Variants in FALEC observed in about 807,000 individuals in gnomAD.
FALEC encodes focally amplified lncRNA on chromosome 1.
chr1:150,533,434 T>TC, the FALEC span, among the ~76,000 whole-genome samples: 10 of 143,504 alleles, frequency 7.0e-5, no homozygotes, highest in Non-Finnish European at 1.2e-4. Context: ...CCAGAGCTTT[T>TC]TTTTTTTTTT....
the FALEC span, among the ~76,000 whole-genome samples, chr1:150,531,903 G>A: frequency 4.6e-5 from 7 of 152,148 alleles, no homozygotes; most frequent in Non-Finnish European, 5.9e-5. Flanking sequence ...TCGAAGCTCC[G>A]TCAAAATGCA....
At chr1:150,524,289 A>T in the FALEC span, among the ~76,000 whole-genome samples, 1 of 152,152 alleles carries the variant, frequency 6.6e-6, no homozygotes, top group Non-Finnish European at 1.5e-5. Context: ...CACTCGGATT[A>T]CAGGTGTGGT....
the FALEC span, among the ~76,000 whole-genome samples, chr1:150,526,673 G>A: frequency 1.3e-5 from 2 of 151,234 alleles, no homozygotes; most frequent in Non-Finnish European, 2.9e-5. Flanking sequence ...TCACTCTGTC[G>A]CCCAGGTTGG....
the FALEC span, among the ~76,000 whole-genome samples, chr1:150,527,105 A>G: frequency 4.1e-5 from 6 of 147,888 alleles, no homozygotes; most frequent in African/African-American, 1.3e-4. Context: ...ACACCCAGCT[A>G]ATTTTTTTTA....
the FALEC span, among the ~76,000 whole-genome samples, chr1:150,530,254 G>T: frequency 6.6e-6 from 1 of 152,298 alleles, no homozygotes; most frequent in East Asian, 1.9e-4. Flanking sequence ...ACATGCAAAT[G>T]CTGAGGCCAT....
At chr1:150,520,563 A>C (rs1166278636), downstream of FALEC, among the ~76,000 whole-genome samples, 3 of 152,040 alleles carry the variant, frequency 2.0e-5, no homozygotes, top group African/African-American at 7.2e-5. Context: ...TATATGCCAC[A>C]TTTTGCTTAT....
chr1:150,524,343 A>G, the FALEC span, among the ~76,000 whole-genome samples: 2 of 150,272 alleles, frequency 1.3e-5, no homozygotes, highest in Non-Finnish European at 3.0e-5. Context: ...TAAATATTAT[A>G]TACACCAGAG....
At chr1:150,533,936 C>T in the FALEC span, among the ~76,000 whole-genome samples, 77 of 152,320 alleles carry the variant, frequency 5.1e-4, no homozygotes, top group Middle Eastern at 3.4e-3. Context: ...GGAGACGTGT[C>T]GTGGATCCTG....
At chr1:150,521,601 T>C (rs890621171), downstream of FALEC, among the ~76,000 whole-genome samples, 2 of 152,104 alleles carry the variant, frequency 1.3e-5, no homozygotes, top group African/African-American at 4.8e-5. Flanking sequence ...CCACCTGGAG[T>C]TGATTTTGAC....
chr1:150,531,228 C>T, the FALEC span, among the ~76,000 whole-genome samples: 8 of 152,240 alleles, frequency 5.3e-5, no homozygotes, highest in Admixed American at 4.6e-4. Context: ...GGCACAGTGG[C>T]TCATGCCTGT....
downstream of FALEC, among the ~76,000 whole-genome samples, chr1:150,518,849 G>A (rs964469225): frequency 5.9e-5 from 9 of 152,014 alleles, no homozygotes; most frequent in African/African-American, 1.9e-4. Context: ...CTGAGGTCAG[G>A]AGTTTGAGAC....
downstream of FALEC, among the ~76,000 whole-genome samples, chr1:150,520,872 C>T (rs182942154): frequency 8.4e-5 from 12 of 143,062 alleles, no homozygotes; most frequent in Admixed American, 3.0e-4. Context: ...TGGCTCAGCG[C>T]GATCTCAGCT....
chr1:150,532,683 G>C, the FALEC span, among the ~76,000 whole-genome samples: 1 of 152,022 alleles, frequency 6.6e-6, no homozygotes, highest in Non-Finnish European at 1.5e-5. Flanking sequence ...TAGTGTGTGC[G>C]CCAGGCCCTG....
intron 1 of FALEC, among the ~76,000 whole-genome samples, chr1:150,517,296 CA>C (rs34702640): frequency 0.38 from 35,475 of 92,796 alleles, 4,781 homozygotes; most frequent in Non-Finnish European, 0.46. Flanking sequence ...GACTCCGTCT[CA>C]AAAAAAAAAA....
the FALEC span, among the ~76,000 whole-genome samples, chr1:150,534,802 A>G: frequency 6.7e-6 from 1 of 148,874 alleles, no homozygotes; most frequent in African/African-American, 2.5e-5. Flanking sequence ...AGATCATGCC[A>G]CTGCACTCCA....
chr1:150,519,514 C>T (rs1004600613), downstream of FALEC, among the ~76,000 whole-genome samples: 4 of 151,172 alleles, frequency 2.6e-5, no homozygotes, highest in South Asian at 4.2e-4. Context: ...TGAGGTGGGG[C>T]GTTTGAGACC....
chr1:150,525,600 CTA>C, the FALEC span, among the ~76,000 whole-genome samples: 2 of 152,150 alleles, frequency 1.3e-5, no homozygotes, highest in Non-Finnish European at 2.9e-5. Flanking sequence ...TCCCACCGTT[CTA>C]TGTTTTATTT....
chr1:150,531,981 T>C, the FALEC span, among the ~76,000 whole-genome samples: 1 of 152,232 alleles, frequency 6.6e-6, no homozygotes, highest in African/African-American at 2.4e-5. Context: ...CTTGGCTCAC[T>C]GCAAGCTCCG....
At chr1:150,521,816 T>C (rs1281868935), downstream of FALEC, among the ~76,000 whole-genome samples, 2 of 152,216 alleles carry the variant, frequency 1.3e-5, no homozygotes, top group African/African-American at 4.8e-5. Context: ...AGTTGGTAGC[T>C]TTATATTAAA....
Sources: allele counts gnomAD v4.1 joint callset (sites outside exome capture counted in the v4.1 genomes callset), GRCh38; gene constraint gnomAD v4.1.1; transcripts MANE v1.5; gene names NCBI Gene and HGNC (gene_info 2026-07-23, HGNC 2026-07-21).